The following TRPC5 variants were observed in gnomAD, a reference collection of about 807,000 sequenced individuals.
TRPC5 encodes transient receptor potential cation channel subfamily C member 5.
TRPC5 carries 9 observed loss-of-function variants against 56.5 expected under a neutral mutation model. That is an observed-to-expected ratio of 0.16 (90% CI 0.10 to 0.28). The LOEUF is 0.28. Ranked by LOEUF, TRPC5 falls within the 10% of genes least tolerant of loss-of-function variation. The pLI is 1.00. For missense variants in TRPC5, 469 were observed against 748.9 expected, an observed-to-expected ratio of 0.63 and a Z score of 4.36; for synonymous variants, 282 against 278.5, an observed-to-expected ratio of 1.01 and a Z score of -0.13.
intron 3 of TRPC5, among the ~76,000 whole-genome samples, chrX:111,898,770 G>A (rs1280219317): frequency 9.1e-6 from 1 of 110,312 alleles, no homozygotes; most frequent in African/African-American, 3.3e-5. Flanking sequence ...GTGTGTAATG[G>A]GAAAGGAATG....
intron 6 of TRPC5, among the ~76,000 whole-genome samples, chrX:111,846,472 A>G (rs771144168): frequency 1.8e-5 from 2 of 112,353 alleles, no homozygotes; most frequent in African/African-American, 6.5e-5. Context: ...GCAAAGGCAC[A>G]GGAGTTCCAT....
chrX:112,032,441 G>A (rs1465211635), intron 1 of TRPC5, among the ~76,000 whole-genome samples: 1 of 111,718 alleles, frequency 9.0e-6, no homozygotes, highest in East Asian at 2.8e-4. Flanking sequence ...AGAGATACCT[G>A]CATTCCTATG....
intron 1 of TRPC5, among the ~76,000 whole-genome samples, chrX:112,050,977 T>C (rs749348388): frequency 1.8e-3 from 202 of 112,428 alleles, no homozygotes; most frequent in Non-Finnish European, 2.6e-3. Context: ...TTATTCTGTT[T>C]GTCACCCCCA....
intron 1 of TRPC5, among the ~76,000 whole-genome samples, chrX:111,996,923 C>T (rs1225534037): frequency 9.0e-6 from 1 of 111,461 alleles, no homozygotes; most frequent in Non-Finnish European, 1.9e-5. Flanking sequence ...CTCCTGAATA[C>T]AGCACACTGA....
At chrX:112,023,234 GTTTTTTTTTTTGTTTTTTTTTTTTTT>G in intron 1 of TRPC5, among the ~76,000 whole-genome samples, 1 of 45,961 alleles carries the variant, frequency 2.2e-5, no homozygotes, top group African/African-American at 8.0e-5. Flanking sequence ...GCGCCCAGCA[GTTTTTTTTTTTGTTTTTTTTTTTTTT>G]TTTTTTTTTT....
intron 1 of TRPC5, among the ~76,000 whole-genome samples, chrX:112,005,463 T>TAAA (rs745973541): frequency 6.0e-5 from 4 of 66,371 alleles, no homozygotes; most frequent in East Asian, 8.6e-4. Flanking sequence ...AACCTAAAAG[T>TAAA]AAAAAAAAAA....
chrX:111,817,466 C>A (rs779380925), intron 7 of TRPC5, among the ~76,000 whole-genome samples: 1 of 109,347 alleles, frequency 9.1e-6, no homozygotes, highest in South Asian at 4.1e-4. Flanking sequence ...GCTGGGATTC[C>A]AGGCGCCCAT....
chrX:111,836,694 C>T (rs1487743372), intron 6 of TRPC5, among the ~76,000 whole-genome samples: 4 of 112,471 alleles, frequency 3.6e-5, no homozygotes, highest in Non-Finnish European at 7.5e-5. Flanking sequence ...TCCCTCTCTA[C>T]TATAATGTAA....
At chrX:112,065,515 A>G (rs1490482484) in intron 1 of TRPC5, among the ~76,000 whole-genome samples, 1 of 111,774 alleles carries the variant, frequency 8.9e-6, no homozygotes, top group Non-Finnish European at 1.9e-5. Flanking sequence ...CCTTGGCTTC[A>G]TGGTCTCTTC....
At chrX:111,883,757 G>T (rs774291792) in intron 3 of TRPC5, among the ~76,000 whole-genome samples, 1 of 112,480 alleles carries the variant, frequency 8.9e-6, no homozygotes, top group East Asian at 2.8e-4. Context: ...CCTAATTTAG[G>T]TCTAGTCAGA....
chrX:112,009,248 G>A (rs1467610239), intron 1 of TRPC5, among the ~76,000 whole-genome samples: 3 of 111,337 alleles, frequency 2.7e-5, no homozygotes, highest in African/African-American at 9.8e-5. Flanking sequence ...GAGATTGCGG[G>A]GGCCAAACCG....
chrX:112,012,048 T>G (rs2148663132), intron 1 of TRPC5, among the ~76,000 whole-genome samples: 1 of 112,489 alleles, frequency 8.9e-6, no homozygotes, highest in East Asian at 2.8e-4. Context: ...TCACGTATTT[T>G]CAGACTTCCA....
intron 1 of TRPC5, among the ~76,000 whole-genome samples, chrX:112,001,004 A>G (rs187836109): frequency 1.3e-4 from 15 of 112,283 alleles, no homozygotes; most frequent in Middle Eastern, 4.6e-3. Context: ...GTCAAATAAT[A>G]TTGGACATTT....
intron 1 of TRPC5, among the ~76,000 whole-genome samples, chrX:112,069,337 G>A (rs1263950277): frequency 8.9e-6 from 1 of 111,943 alleles, no homozygotes; most frequent in African/African-American, 3.2e-5. Flanking sequence ...CTTTGGGCAT[G>A]TGTGTGCTAT....
intron 7 of TRPC5, among the ~76,000 whole-genome samples, chrX:111,784,669 C>A (rs1945946569): frequency 8.9e-6 from 1 of 112,181 alleles, no homozygotes; most frequent in African/African-American, 3.2e-5. Context: ...CTTTCCTAGC[C>A]AAGGGAAGCC....
chrX:112,040,817 C>T (rs979401523), intron 1 of TRPC5, among the ~76,000 whole-genome samples: 4 of 111,671 alleles, frequency 3.6e-5, no homozygotes, highest in African/African-American at 1.3e-4. Flanking sequence ...TTTGGGCTCC[C>T]ACAAGAATAT....
chrX:111,859,662 A>G (rs1357613781), intron 3 of TRPC5, among the ~76,000 whole-genome samples: 7 of 112,276 alleles, frequency 6.2e-5, no homozygotes, highest in Non-Finnish European at 1.3e-4. Flanking sequence ...TTTACTTACT[A>G]CAGATCAGAA....
chrX:111,875,291 A>G (rs2148595372), intron 3 of TRPC5, among the ~76,000 whole-genome samples: 1 of 111,729 alleles, frequency 9.0e-6, no homozygotes, highest in East Asian at 2.8e-4. Context: ...AATACCAAAT[A>G]CCTGTATTTG....
intron 1 of TRPC5, among the ~76,000 whole-genome samples, chrX:112,073,072 T>C (rs778824919): frequency 8.9e-6 from 1 of 112,105 alleles, no homozygotes; most frequent in African/African-American, 3.2e-5. Flanking sequence ...TAAGTTGTAC[T>C]GAGCAGGGCG....
Sources: allele counts gnomAD v4.1 joint callset (sites outside exome capture counted in the v4.1 genomes callset), GRCh38; gene constraint gnomAD v4.1.1; transcripts MANE v1.5; gene names NCBI Gene and HGNC (gene_info 2026-07-23, HGNC 2026-07-21).